SCRG1: variants seen among roughly 807,000 people sequenced by gnomAD.
SCRG1 encodes stimulator of chondrogenesis 1.
In SCRG1, 3 loss-of-function variants were observed where a neutral mutation model predicts 7.7. The observed-to-expected ratio is 0.39, with a 90% CI of 0.18 to 1.01. SCRG1 has a LOEUF of 1.01. Ranked by LOEUF, SCRG1 falls within the 50% of genes least tolerant of loss-of-function variation. The pLI, the probability that SCRG1 is intolerant of heterozygous loss-of-function variation, is 0.36. For missense variants in SCRG1, 110 were observed against 117.2 expected (o/e 0.94, Z 0.28); for synonymous variants, 46 against 41.2 (o/e 1.12, Z -0.44).
the SCRG1 span, among the ~76,000 whole-genome samples, chr4:173,441,120 A>G: frequency 6.6e-6 from 1 of 152,198 alleles, no homozygotes; most frequent in Non-Finnish European, 1.5e-5. Flanking sequence ...CAGAAAGATG[A>G]TCAAAGGATG....
At chr4:173,511,375 A>G in the SCRG1 span, among the ~76,000 whole-genome samples, 22 of 152,020 alleles carry the variant, frequency 1.4e-4, no homozygotes, top group Non-Finnish European at 3.1e-4. This position sits in a 1 kb window ranked among gnomAD's most constrained non-coding sequence, Gnocchi z 5.2. Flanking sequence ...CCCAGATATC[A>G]TTTCTCTGGC....
chr4:173,503,171 G>A, the SCRG1 span, among the ~76,000 whole-genome samples: 12 of 152,272 alleles, frequency 7.9e-5, no homozygotes, highest in African/African-American at 1.7e-4. This position sits in a 1 kb window ranked among gnomAD's most constrained non-coding sequence, Gnocchi z 6.4. Context: ...ACCCTGTGTC[G>A]TTCCCACTCC....
At chr4:173,427,162 T>C in the SCRG1 span, among the ~76,000 whole-genome samples, 2 of 152,174 alleles carry the variant, frequency 1.3e-5, no homozygotes, top group Non-Finnish European at 2.9e-5. Flanking sequence ...GTTTGCCCCA[T>C]TTGCACCCCA....
At chr4:173,485,076 T>TATAATATATAA in the SCRG1 span, among the ~76,000 whole-genome samples, 11 of 5,266 alleles carry the variant, frequency 2.1e-3, 2 homozygotes, top group African/African-American at 5.6e-3. Flanking sequence ...ATATTATATA[T>TATAATATATAA]TATATAATAT....
At chr4:173,389,760 T>A (rs1739371934) in intron 2 of SCRG1, 1 of 244,736 alleles carries the variant, frequency 4.1e-6, no homozygotes, top group Non-Finnish European at 8.8e-6. Flanking sequence ...TGGGTTCTAA[T>A]CCCAGTGTTG....
the SCRG1 span, among the ~76,000 whole-genome samples, chr4:173,442,309 A>C: frequency 1.3e-5 from 2 of 152,222 alleles, no homozygotes. Flanking sequence ...CCTAGGAGCA[A>C]CCATGTCTCT....
At chr4:173,510,115 G>C in the SCRG1 span, among the ~76,000 whole-genome samples, 1 of 152,128 alleles carries the variant, frequency 6.6e-6, no homozygotes, top group Non-Finnish European at 1.5e-5. The surrounding 1 kb of genome is among the most constrained non-coding windows in gnomAD (Gnocchi z 5.7). Flanking sequence ...TCCTAATGGC[G>C]TTTCAGGGCC....
upstream of SCRG1, among the ~76,000 whole-genome samples, chr4:173,402,454 TAA>T (rs5864196): frequency 0.017 from 2,514 of 146,312 alleles, 74 homozygotes; most frequent in African/African-American, 0.055. Flanking sequence ...TATTTCTTTT[TAA>T]AAAAAAAAAA....
chr4:173,475,721 G>A, the SCRG1 span, among the ~76,000 whole-genome samples: 1 of 152,158 alleles, frequency 6.6e-6, no homozygotes, highest in Admixed American at 6.5e-5. Flanking sequence ...AAAGGATAAA[G>A]AAAACATGGT....
chr4:173,434,922 C>T, the SCRG1 span, among the ~76,000 whole-genome samples: 55,987 of 151,872 alleles, frequency 0.37, 10,540 homozygotes, highest in South Asian at 0.54. Context: ...AGCACTAAAA[C>T]TCCACATTGC....
chr4:173,469,651 GA>G, the SCRG1 span: 3 of 152,146 alleles, frequency 2.0e-5, no homozygotes, highest in African/African-American at 7.2e-5. Context: ...CTGTCTAAAA[GA>G]AAATAATAAA....
At chr4:173,501,142 GTGTCCGAGC>G in the SCRG1 span, among the ~76,000 whole-genome samples, 1 of 152,224 alleles carries the variant, frequency 6.6e-6, no homozygotes, top group East Asian at 1.9e-4. This position sits in a 1 kb window ranked among gnomAD's most constrained non-coding sequence, Gnocchi z 5.1. Flanking sequence ...GGAGAGCAGG[GTGTCCGAGC>G]TCCCGCTGCT....
the SCRG1 span, among the ~76,000 whole-genome samples, chr4:173,514,629 T>C: frequency 6.6e-6 from 1 of 152,180 alleles, no homozygotes; most frequent in Non-Finnish European, 1.5e-5. Flanking sequence ...TGTGGAACAA[T>C]CGACCCCTTC....
At chr4:173,399,324 G>T (rs1364155664), upstream of SCRG1, 1 of 152,236 alleles carries the variant, frequency 6.6e-6, no homozygotes, top group African/African-American at 2.4e-5. Context: ...TCCAAACCAG[G>T]CGAGAACGAA....
intron 1 of SCRG1, among the ~76,000 whole-genome samples, chr4:173,396,129 G>A (rs1739595851): frequency 1.3e-5 from 2 of 152,300 alleles, no homozygotes; most frequent in East Asian, 3.9e-4. Flanking sequence ...TTGGGCTTTT[G>A]GCTTGAATGG....
At chr4:173,443,115 C>T in the SCRG1 span, among the ~76,000 whole-genome samples, 8 of 152,154 alleles carry the variant, frequency 5.3e-5, no homozygotes, top group Non-Finnish European at 1.2e-4. Context: ...TTTCTATTCT[C>T]TTTAATGCAT....
At chr4:173,413,198 G>C in the SCRG1 span, among the ~76,000 whole-genome samples, 14 of 152,116 alleles carry the variant, frequency 9.2e-5, no homozygotes, top group Admixed American at 9.2e-4. Context: ...GGAGCCTACA[G>C]CTGGCAAAAT....
the SCRG1 span, among the ~76,000 whole-genome samples, chr4:173,493,920 T>C: frequency 6.6e-6 from 1 of 152,180 alleles, no homozygotes; most frequent in African/African-American, 2.4e-5. Flanking sequence ...ATCAATATAA[T>C]AGTAAAATGA....
chr4:173,453,220 G>A, the SCRG1 span, among the ~76,000 whole-genome samples: 2 of 152,210 alleles, frequency 1.3e-5, no homozygotes, highest in Admixed American at 6.5e-5. Flanking sequence ...CTTTTCTCCA[G>A]AGACAGACTT....
Sources: allele counts gnomAD v4.1 joint callset (sites outside exome capture counted in the v4.1 genomes callset), GRCh38; gene constraint gnomAD v4.1.1; non-coding constraint Gnocchi (gnomAD v3.1); transcripts MANE v1.5; gene names NCBI Gene and HGNC (gene_info 2026-07-23, HGNC 2026-07-21).